The following SGF29 variants were observed in gnomAD, a reference collection of about 807,000 sequenced individuals.
The protein encoded by SGF29 is SAGA-associated factor 29.
A neutral mutation model predicts 38.1 loss-of-function variants in SGF29; 15 were observed. The ratio of observed to expected loss-of-function variants is 0.39; its 90% CI spans 0.26 to 0.61. The LOEUF is 0.61. SGF29 is among the 20% of genes least tolerant of loss of function. The pLI is 0.49. For synonymous variants in SGF29, 151 were observed against 160.8 expected, an observed-to-expected ratio of 0.94 and a Z score of 0.46; for missense variants, 184 against 394.6, an observed-to-expected ratio of 0.47 and a Z score of 4.52.
chr16:28,587,208 A>T (rs1256167862), intron 4 of SGF29, among the ~76,000 whole-genome samples: 1 of 152,206 alleles, frequency 6.6e-6, no homozygotes, highest in Non-Finnish European at 1.5e-5. Context: ...TCCTGTTCAT[A>T]TCAAACACAC....
intron 1 of SGF29, among the ~76,000 whole-genome samples, chr16:28,565,297 G>T (rs1174926275): frequency 6.6e-6 from 1 of 152,120 alleles, no homozygotes; most frequent in Non-Finnish European, 1.5e-5. Flanking sequence ...TTCACCAGCC[G>T]TCTAGGCATC....
chr16:28,586,942 G>A (rs1004425342), intron 4 of SGF29, among the ~76,000 whole-genome samples: 6 of 152,106 alleles, frequency 3.9e-5, no homozygotes, highest in African/African-American at 1.4e-4. Context: ...CAAACTCCTG[G>A]CCTCAAGTGA....
intron 1 of SGF29, among the ~76,000 whole-genome samples, chr16:28,563,386 A>G (rs2046801546): frequency 6.6e-6 from 1 of 152,140 alleles, no homozygotes; most frequent in Admixed American, 6.6e-5. Context: ...TGAAATTACA[A>G]AATGAGGTGG....
At chr16:28,560,426 T>C (rs949242756) in intron 1 of SGF29, among the ~76,000 whole-genome samples, 11 of 150,242 alleles carry the variant, frequency 7.3e-5, no homozygotes, top group African/African-American at 9.8e-5. Context: ...CCATCTCTAC[T>C]AAAAATACTA....
chr16:28,570,092 G>C (rs546695216), intron 1 of SGF29, among the ~76,000 whole-genome samples: 2 of 152,306 alleles, frequency 1.3e-5, no homozygotes, highest in Non-Finnish European at 2.9e-5. Context: ...TATGGGGGTA[G>C]GGTTGCCTCT....
chr16:28,572,912 C>T lies in SGF29; in HGVS notation c.-15-8143C>T, dbSNP rs117428692. Among the ~76,000 whole-genome samples the T allele has an allele frequency of 2.4e-3, 361 of 152,136 alleles. 5 individuals carry two copies. The East Asian group carries it at 0.027, about 11-fold the overall frequency. On this transcript the variant is annotated intron_variant, in intron 1 of 9. Transcript: ENST00000317058. ...CCCCAGCCACGTGTTCACATTCCTC[C>T]GTGTCACTTTCCTCCATTCAGCACC...
chr16:28,562,903 C>CAAAAAAAAAAA (rs753973229), intron 1 of SGF29, among the ~76,000 whole-genome samples: 1 of 50,892 alleles, frequency 2.0e-5, no homozygotes. Flanking sequence ...GACCCTGTCT[C>CAAAAAAAAAAA]AAAAAAAAAA....
intron 3 of SGF29, 71 bp from the exon 4 acceptor site, chr16:28,585,577 T>A: frequency 7.6e-7 from 1 of 1,307,710 alleles, no homozygotes; most frequent in East Asian, 2.3e-5. Context: ...GTGATTCCGG[T>A]GCATGGAAGC....
rs2046985464 is a variant in SGF29 at position 28,590,881 on chromosome 16, G to C, written c.711G>C (p.Leu237=). The change falls in exon 9 of 10, where the codon CTG becomes CTC. Residue 237 remains leucine (L), a synonymous_variant. Transcript: ENST00000317058. This position sits in a 1 kb window ranked among gnomAD's most constrained non-coding sequence, Gnocchi z 8.2. ...LFQKEQLVLA[L]YPQTTCFYRA... is the part of the protein sequence containing the mutation. ...AGAAGGAGCAGCTCGTGCTGGCCCT[G>C]TATCCCCAGACTACCTGCTTCTACC... The C allele has an allele frequency of 6.2e-7, 1 of 1,613,622 alleles. No individual in the cohort carries two copies. The highest frequency in any genetic ancestry group is 2.2e-5 in the East Asian group (1 of 44,868).
rs569214675 is a variant in SGF29 at position 28,585,499 on chromosome 16, G to A, written c.152-149G>A. The A allele has an allele frequency of 3.2e-4, 224 of 698,274 alleles. No homozygotes were observed. In the African/African-American group the frequency reaches 3.6e-3, roughly 11 times the overall value. 43.3% of individuals were successfully genotyped at this position (698,274 alleles called of 1,614,324 possible). A position where few individuals can be genotyped will look rare whatever the true frequency, so the allele number is the denominator to read the frequency against. ...GGACTCATGGAGCCTGGGGGCATCC[G>A]CCTCAGGAGCACTCCTGAGCCAGCA... On this transcript the variant is annotated intron_variant, in intron 3 of 9. Transcript: ENST00000317058.
At chr16:28,581,511 C>A (rs999749190) in intron 2 of SGF29, among the ~76,000 whole-genome samples, 1 of 152,098 alleles carries the variant, frequency 6.6e-6, no homozygotes, top group South Asian at 2.1e-4. Context: ...CTTTTCCTTC[C>A]ACCCTATTAA....
At chr16:28,559,753 C>T (rs999435309) in intron 1 of SGF29, among the ~76,000 whole-genome samples, 1 of 152,136 alleles carries the variant, frequency 6.6e-6, no homozygotes, top group Non-Finnish European at 1.5e-5. Context: ...GCAACTTAGC[C>T]AAGTTTAAAA....
intron 1 of SGF29, among the ~76,000 whole-genome samples, chr16:28,579,890 C>T (rs2046915708): frequency 6.6e-6 from 1 of 151,754 alleles, no homozygotes; most frequent in Non-Finnish European, 1.5e-5. Flanking sequence ...AAGATCACAC[C>T]ACTGCACTCC....
intron 1 of SGF29, among the ~76,000 whole-genome samples, chr16:28,567,504 G>A (rs2046841914): frequency 6.6e-6 from 1 of 152,138 alleles, no homozygotes; most frequent in South Asian, 2.1e-4. Flanking sequence ...CAGAAGTGGG[G>A]TGCTGCTATA....
chr16:28,585,839 C>A, intron 4 of SGF29, 119 bp downstream of exon 4: 1 of 932,320 alleles, frequency 1.1e-6, no homozygotes, highest in Non-Finnish European at 1.7e-6. Context: ...ATTGCTACTC[C>A]CAGCCTCTCG....
rs1238281251 is a variant in SGF29, at chr16:28,590,100, C to T, written c.294C>T (p.Ala98=). The change falls in exon 6 of 10, where the codon GCC becomes GCT. Residue 98 remains alanine, a synonymous_variant. Transcript: ENST00000317058. The surrounding 1 kb of genome is among the most constrained non-coding windows in gnomAD (Gnocchi z 8.2). ...GGCCTCCCTTCCTTCCCACAGCGGC[C>T]AAGATTGCCGGTCTCTACAATGACT... ...KSLLEERRIA[A]KIAGLYNDSE... 1 of 1,610,908 alleles carries T rather than the reference C, an allele frequency of 6.2e-7. No individual in the cohort carries two copies. The highest frequency in any genetic ancestry group is 8.5e-7 in the Non-Finnish European group (1 of 1,178,978).
chr16:28,568,753 A>G (rs1052196696), intron 1 of SGF29, among the ~76,000 whole-genome samples: 18 of 152,090 alleles, frequency 1.2e-4, no homozygotes, highest in Admixed American at 1.0e-3. Context: ...TCTGTACTAA[A>G]AATACAAAAA....
intron 1 of SGF29, among the ~76,000 whole-genome samples, chr16:28,572,046 C>T (rs1230391301): frequency 1.3e-5 from 2 of 152,194 alleles, no homozygotes; most frequent in Admixed American, 1.3e-4. Context: ...GTGGCACAAT[C>T]TCGGCTCACT....
At chr16:28,554,305 C>T (rs890229104) in intron 1 of SGF29, among the ~76,000 whole-genome samples, 21 of 152,130 alleles carry the variant, frequency 1.4e-4, no homozygotes, top group African/African-American at 5.1e-4. Context: ...GCGGGCCCTG[C>T]GCCCGGCCGC....
Sources: allele counts gnomAD v4.1 joint callset (sites outside exome capture counted in the v4.1 genomes callset), GRCh38; gene constraint gnomAD v4.1.1; non-coding constraint Gnocchi (gnomAD v3.1); transcripts MANE v1.5; gene names NCBI Gene and HGNC (gene_info 2026-07-23, HGNC 2026-07-21).